Variants in ERC1 observed in about 807,000 individuals in gnomAD.
The protein encoded by ERC1 is ELKS/RAB6-interacting/CAST family member 1, also known as RAB6 interacting protein 2.
ERC1 carries 56 observed loss-of-function variants against 132.0 expected under a neutral mutation model. The ratio of observed to expected loss-of-function variants is 0.42; its 90% confidence interval spans 0.34 to 0.53. ERC1 has a LOEUF of 0.53. Among genes scored for constraint, ERC1 ranks in the 20% least tolerant of loss-of-function variants. The pLI is 0.03. For missense variants in ERC1, 1,202 were observed against 1,349.9 expected, an observed-to-expected ratio of 0.89 and a Z score of 1.72; for synonymous variants, 478 against 476.1, an observed-to-expected ratio of 1.00 and a Z score of -0.05.
At chr12:1,058,176 G>T (rs1207590335) in intron 2 of ERC1, among the ~76,000 whole-genome samples, 3 of 152,046 alleles carry the variant, frequency 2.0e-5, no homozygotes, top group Non-Finnish European at 4.4e-5. Context: ...CTGTGCAGAA[G>T]CTTTTTAAGT....
chr12:1,252,390 T>G (rs1016234937), intron 13 of ERC1, among the ~76,000 whole-genome samples: 2 of 152,154 alleles, frequency 1.3e-5, no homozygotes, highest in Non-Finnish European at 2.9e-5. Context: ...GGTATGCTTG[T>G]TCTTTTTATA....
At chr12:1,441,813 C>A (rs541874551) in intron 17 of ERC1, among the ~76,000 whole-genome samples, 4 of 152,138 alleles carry the variant, frequency 2.6e-5, no homozygotes, top group Non-Finnish European at 5.9e-5. Context: ...GTAACAGAAC[C>A]GTGATGAGAC....
intron 7 of ERC1, among the ~76,000 whole-genome samples, 166 bp from the exon 8 acceptor site, chr12:1,141,454 G>C (rs1339081862): frequency 6.6e-6 from 1 of 152,098 alleles, no homozygotes; most frequent in Non-Finnish European, 1.5e-5. Flanking sequence ...ATTGTGTAAC[G>C]GTGAGCACAC....
intron 13 of ERC1, chr12:1,244,527 TTTGTTTG>T (rs552841851): frequency 5.9e-4 from 269 of 452,640 alleles, no homozygotes; most frequent in Non-Finnish European, 8.9e-4. Context: ...TGTTTGTTTG[TTTGTTTG>T]TTTTTAAGAC....
rs528544729 is a variant in ERC1, at chr12:1,243,207, GAAAA to G, written c.2487+6312_2487+6315del. Among the ~76,000 whole-genome samples the G allele has an allele frequency of 5.0e-3, 698 of 139,006 alleles. 8 individuals carry two copies. Among genetic ancestry groups the G allele is most frequent in the African/African-American group, 0.018 (671 of 38,152 alleles). 91.2% of individuals were successfully genotyped at this position (139,006 alleles called of 152,430 possible). On this transcript the variant is annotated intron_variant, in intron 13 of 18. Coordinates refer to ENST00000360905, the MANE Select transcript of ERC1 (RefSeq NM_178040.4). ...AGACTCCGTCTCAAAAAAAAAAAAA[GAAAA>G]AAAAAAAAGAAATCGAGAGATGATT...
intron 14 of ERC1, among the ~76,000 whole-genome samples, chr12:1,279,617 A>G (rs1410331173): frequency 6.6e-6 from 1 of 151,534 alleles, no homozygotes; most frequent in African/African-American, 2.4e-5. Context: ...AACCCCAGAA[A>G]TGACTGCCAG....
At chr12:1,406,135 A>G in intron 16 of ERC1, among the ~76,000 whole-genome samples, 1 of 152,188 alleles carries the variant, frequency 6.6e-6, no homozygotes, top group South Asian at 2.1e-4. Flanking sequence ...TAATCCTCAC[A>G]GCAGTCTTAT....
At chr12:1,270,212 C>A (rs753255583) in intron 14 of ERC1, among the ~76,000 whole-genome samples, 2 of 151,998 alleles carry the variant, frequency 1.3e-5, no homozygotes, top group Non-Finnish European at 2.9e-5. Flanking sequence ...GAACCCTTAT[C>A]TTCCTTTTTT....
Position 1,180,607 on chromosome 12 carries a change from A to C in ERC1, c.1805A>C (p.Lys602Thr). Residue 602 changes from lysine to threonine, a missense_variant, in exon 9 of 19, where the codon AAA (lysine) becomes ACA (threonine). Coordinates refer to ENST00000360905, the MANE Select transcript of ERC1 (RefSeq NM_178040.4). The part of the protein sequence containing the change: ...KQMSSLKERV[K>T]SLQADTTNTD... ...ATGAGCAGCTTGAAAGAACGGGTCA[A>C]ATCCTTGCAGGCTGACACCACCAAC... 1 of 1,614,084 alleles carries C rather than the reference A, an allele frequency of 6.2e-7. No homozygotes were observed. Among genetic ancestry groups the C allele is most frequent in the South Asian group, 1.1e-5 (1 of 91,082 alleles).
At chr12:1,187,390 A>G (rs1488892758) in intron 11 of ERC1, among the ~76,000 whole-genome samples, 2 of 151,852 alleles carry the variant, frequency 1.3e-5, no homozygotes, top group East Asian at 1.9e-4. Flanking sequence ...TTTTGTCTTT[A>G]AAGATTGTCA....
chr12:1,037,120 A>T (rs1408372447), intron 2 of ERC1, among the ~76,000 whole-genome samples: 2 of 152,222 alleles, frequency 1.3e-5, no homozygotes, highest in Admixed American at 1.3e-4. Flanking sequence ...AGTATGAAAA[A>T]TAATTAAGCA....
intron 15 of ERC1, 24 bp from the exon 16 acceptor site, chr12:1,371,809 G>A (rs769156891): frequency 6.2e-7 from 1 of 1,610,494 alleles, no homozygotes; most frequent in South Asian, 1.1e-5. Context: ...GAATGGCGCT[G>A]TTGGCATTTG....
chr12:1,439,397 A>G (rs2093039699), intron 17 of ERC1, among the ~76,000 whole-genome samples: 1 of 152,252 alleles, frequency 6.6e-6, no homozygotes, highest in Admixed American at 6.5e-5. Context: ...TGGTCTTGTC[A>G]CTATGCCATG....
chr12:1,040,601 C>T (rs774354250), intron 2 of ERC1, among the ~76,000 whole-genome samples: 24 of 152,116 alleles, frequency 1.6e-4, no homozygotes, highest in Non-Finnish European at 2.5e-4. Flanking sequence ...CCACCGTGCC[C>T]GGCCTAAAAA....
chr12:1,175,860 T>G (rs1384473868), intron 8 of ERC1, among the ~76,000 whole-genome samples: 2 of 152,174 alleles, frequency 1.3e-5, no homozygotes, highest in Non-Finnish European at 2.9e-5. Context: ...TATCATGAAG[T>G]TGCAGCAGTT....
At chr12:1,291,009 T>C (rs1174530962) in intron 15 of ERC1, among the ~76,000 whole-genome samples, 1 of 152,236 alleles carries the variant, frequency 6.6e-6, no homozygotes, top group Non-Finnish European at 1.5e-5. Flanking sequence ...CAACTAGTGC[T>C]TTAAACTGAC....
intron 15 of ERC1, among the ~76,000 whole-genome samples, chr12:1,359,273 A>G (rs1215864030): frequency 1.3e-5 from 2 of 152,292 alleles, no homozygotes; most frequent in East Asian, 1.9e-4. Context: ...CAAAATAGGT[A>G]GACATGAGGT....
chr12:1,128,326 A>C (rs1373048472), intron 7 of ERC1, among the ~76,000 whole-genome samples: 1 of 152,176 alleles, frequency 6.6e-6, no homozygotes, highest in Non-Finnish European at 1.5e-5. Flanking sequence ...ATCAGATATG[A>C]CTTGTTAGGA....
chr12:1,394,990 A>G (rs1171217970), intron 16 of ERC1, among the ~76,000 whole-genome samples: 1 of 152,290 alleles, frequency 6.6e-6, no homozygotes, highest in Non-Finnish European at 1.5e-5. Context: ...TTTTCTTTAG[A>G]TATGGTGTTG....
Sources: gnomAD v4.1 joint callset for allele counts (sites outside exome capture counted in the v4.1 genomes callset) on GRCh38, gnomAD v4.1.1 for gene constraint, MANE v1.5 for transcripts, NCBI Gene and HGNC (gene_info 2026-07-23, HGNC 2026-07-21) for gene names.